LY6S: variants seen among roughly 807,000 people sequenced by gnomAD.
The protein encoded by LY6S is lymphocyte antigen 6S.
chr8:143,074,278 A>T, the LY6S span, among the ~76,000 whole-genome samples: 2 of 152,054 alleles, frequency 1.3e-5, no homozygotes, highest in Non-Finnish European at 2.9e-5. Context: ...AGACAGTTGG[A>T]TCAGTACCAT....
the LY6S span, chr8:143,044,568 C>A: frequency 3.2e-6 from 2 of 633,940 alleles, no homozygotes; most frequent in South Asian, 2.3e-5. Flanking sequence ...GAGCCACAGA[C>A]CGGCCCCCAA....
chr8:143,051,074 G>A, the LY6S span, among the ~76,000 whole-genome samples: 2 of 152,232 alleles, frequency 1.3e-5, no homozygotes, highest in Non-Finnish European at 2.9e-5. Flanking sequence ...TTTAGAGGCT[G>A]TGCAGGAGCC....
the LY6S span, chr8:143,057,152 C>T: frequency 6.9e-5 from 25 of 360,476 alleles, no homozygotes; most frequent in Non-Finnish European, 8.9e-5. Flanking sequence ...GTTTCTGTTC[C>T]GGAGAATGTT....
At chr8:143,042,824 G>A in the LY6S span, 12 of 388,596 alleles carry the variant, frequency 3.1e-5, no homozygotes, top group Admixed American at 1.4e-4. Context: ...TATGACCCTA[G>A]GTCCCAAGCA....
the LY6S span, among the ~76,000 whole-genome samples, chr8:143,061,608 G>C: frequency 6.6e-6 from 1 of 152,200 alleles, no homozygotes; most frequent in African/African-American, 2.4e-5. Context: ...GCAATGGTGC[G>C]ATCTTGGCTC....
chr8:143,073,371 T>C, the LY6S span, among the ~76,000 whole-genome samples: 63 of 93,084 alleles, frequency 6.8e-4, 2 homozygotes, highest in Middle Eastern at 7.4e-3. Context: ...TCCCCGGGGC[T>C]CCTGTTTGAG....
chr8:143,074,041 C>A, the LY6S span, among the ~76,000 whole-genome samples: 1 of 151,952 alleles, frequency 6.6e-6, no homozygotes, highest in Non-Finnish European at 1.5e-5. Flanking sequence ...GTGTTTTTTT[C>A]TCCTGGCTGC....
chr8:143,072,037 A>C, the LY6S span, among the ~76,000 whole-genome samples: 4 of 152,240 alleles, frequency 2.6e-5, no homozygotes, highest in African/African-American at 9.6e-5. Flanking sequence ...CTGACATTGC[A>C]GTTGGCAGCA....
the LY6S span, among the ~76,000 whole-genome samples, chr8:143,060,515 G>A: frequency 1.8e-4 from 27 of 152,250 alleles, no homozygotes; most frequent in African/African-American, 6.3e-4. Flanking sequence ...CTCTCTCTCC[G>A]CCTCGGCTAC....
the LY6S span, among the ~76,000 whole-genome samples, chr8:143,063,797 G>T: frequency 9.2e-5 from 14 of 152,170 alleles, no homozygotes; most frequent in Admixed American, 9.2e-4. Flanking sequence ...CAGCCTGTCC[G>T]CTGTCAGCCA....
At chr8:143,070,459 TATATAATATATATATAAATATATA>T in the LY6S span, among the ~76,000 whole-genome samples, 1 of 46,264 alleles carries the variant, frequency 2.2e-5, no homozygotes, top group African/African-American at 7.2e-5. Context: ...TATATATATA[TATATAATATATATATAAATATATA>T]TATATATTTT....
At chr8:143,052,681 C>CT in the LY6S span, among the ~76,000 whole-genome samples, 1 of 152,184 alleles carries the variant, frequency 6.6e-6, no homozygotes, top group Non-Finnish European at 1.5e-5. Flanking sequence ...GGAGCTCGAG[C>CT]TTTGGGAATT....
chr8:143,058,911 T>A, the LY6S span, among the ~76,000 whole-genome samples: 1 of 152,216 alleles, frequency 6.6e-6, no homozygotes, highest in African/African-American at 2.4e-5. Context: ...TCCCCTCAGC[T>A]CCTATCTCTG....
chr8:143,057,584 T>C, the LY6S span: 2,330 of 1,283,484 alleles, frequency 1.8e-3, 18 homozygotes, highest in Non-Finnish European at 1.1e-3. Flanking sequence ...TGGTTTATCA[T>C]CCTCATGCTG....
chr8:143,062,230 C>A, the LY6S span, among the ~76,000 whole-genome samples: 3 of 151,976 alleles, frequency 2.0e-5, no homozygotes, highest in East Asian at 1.9e-4. Context: ...GGTCAAGGTA[C>A]AAAAATCAAA....
the LY6S span, among the ~76,000 whole-genome samples, chr8:143,056,164 C>T: frequency 1.2e-4 from 18 of 148,040 alleles, no homozygotes; most frequent in African/African-American, 3.3e-4. Flanking sequence ...GGGGGTGGCA[C>T]TATCACTTGT....
At chr8:143,059,541 G>A in the LY6S span, 1 of 152,118 alleles carries the variant, frequency 6.6e-6, no homozygotes, top group African/African-American at 2.4e-5. Flanking sequence ...AATATCAATG[G>A]TGTAAAATAA....
At chr8:143,069,694 C>CA in the LY6S span, among the ~76,000 whole-genome samples, 44 of 152,312 alleles carry the variant, frequency 2.9e-4, no homozygotes, top group African/African-American at 1.1e-3. Flanking sequence ...CCTTTCCCCC[C>CA]ACATTTGAAG....
the LY6S span, among the ~76,000 whole-genome samples, chr8:143,048,287 A>G: frequency 1.3e-5 from 2 of 152,008 alleles, no homozygotes; most frequent in Non-Finnish European, 2.9e-5. Flanking sequence ...ACCACTCATC[A>G]TTATCCAACC....
Sources: allele counts gnomAD v4.1 joint callset (sites outside exome capture counted in the v4.1 genomes callset), GRCh38; gene constraint gnomAD v4.1.1; transcripts MANE v1.5; gene names NCBI Gene and HGNC (gene_info 2026-07-23, HGNC 2026-07-21).